MCM4: variants seen among roughly 807,000 people sequenced by gnomAD.
The protein encoded by MCM4 is minichromosome maintenance complex component 4.
MCM4 carries 60 observed loss-of-function variants against 88.7 expected under a neutral mutation model. The ratio of observed to expected loss-of-function variants is 0.68; its 90% CI spans 0.55 to 0.84. The LOEUF is 0.84. Among genes scored for constraint, MCM4 ranks in the 40% least tolerant of loss-of-function variants. The pLI is 0.00. For missense variants in MCM4, 1,149 were observed against 1,105.5 expected (o/e 1.04, Z -0.56); for synonymous variants, 465 against 410.5 (o/e 1.13, Z -1.61).
intron 13 of MCM4, among the ~76,000 whole-genome samples, chr8:47,972,108 T>G (rs2090958031): frequency 6.6e-6 from 1 of 151,916 alleles, no homozygotes; most frequent in Non-Finnish European, 1.5e-5. Flanking sequence ...GGCGCATGCC[T>G]GTAATCCCAG....
intron 2 of MCM4, 62 bp from the exon 3 acceptor site, chr8:47,961,454 C>G (rs2090832271): frequency 2.5e-6 from 4 of 1,611,604 alleles, no homozygotes; most frequent in Non-Finnish European, 2.5e-6. Context: ...AAGGAAAAGA[C>G]AAATCCAGGA....
Position 47,962,836 on chromosome 8 carries a change from C to G in MCM4, c.574C>G (p.Leu192Val). Residue 192 changes from leucine (L) to valine (V), a missense_variant, in exon 6 of 17, where the codon CTA (leucine) becomes GTA (valine). This residue lies in a region of MCM4 where 906 missense variants were observed against 843.0 expected (regional missense o/e 1.07). Coordinates refer to ENST00000649973, the MANE Select transcript of MCM4 (RefSeq NM_182746.3). Reference sequence around the variant, plus strand: ...TGTTGGCATAGATATTACTGAACCTCTATACATGCAACGACTTGGGGAGGT... The same window carrying G: ...TGTTGGCATAGATATTACTGAACCTGTATACATGCAACGACTTGGGGAGGT... ...ENVGIDITEP[L>V]YMQRLGEINV... is the part of the protein sequence containing the mutation. The G allele has an allele frequency of 1.9e-6, 3 of 1,607,862 alleles. 1 individual carries two copies. In the South Asian group the frequency reaches 3.4e-5, roughly 18 times the overall value.
chr8:47,963,421 C>T (rs942265793), intron 7 of MCM4, among the ~76,000 whole-genome samples: 1 of 152,104 alleles, frequency 6.6e-6, no homozygotes, highest in Non-Finnish European at 1.5e-5. Flanking sequence ...CCACTGCTCT[C>T]CAGCCTGGGC....
intron 12 of MCM4, 110 bp downstream of exon 12, chr8:47,970,986 T>C: frequency 1.5e-6 from 2 of 1,293,716 alleles, no homozygotes; most frequent in East Asian, 2.3e-5. Context: ...CTTGGGGAGA[T>C]TGATAAGTGC....
intron 14 of MCM4, 143 bp downstream of exon 14, chr8:47,973,207 C>A: frequency 1.2e-6 from 1 of 806,508 alleles, no homozygotes; most frequent in Non-Finnish European, 1.9e-6. Flanking sequence ...GCCTGGCTCT[C>A]TTGCCCAGGC....
intron 14 of MCM4, chr8:47,973,683 G>A (rs17287718): frequency 1.4e-4 from 22 of 152,630 alleles, no homozygotes; most frequent in African/African-American, 2.4e-4. Flanking sequence ...TAGTAGAGAC[G>A]GGGTTTCACT....
Position 47,962,487 on chromosome 8 carries a change from C to T in MCM4, c.501+81C>T, listed in dbSNP as rs578032874. 4.9e-6 allele frequency: 7 copies of T among 1,424,382 alleles called. No individual in the cohort carries two copies. In the East Asian group the frequency reaches 1.1e-4, roughly 23 times the overall value. 88.2% of individuals were successfully genotyped at this position (1,424,382 alleles called of 1,614,324 possible). ...TGTTTATAATCTATATCTAAGTAGC[C>T]ATAATGACTAGAAGGGCCACCTGTG... On this transcript the variant is annotated intron_variant, in intron 5 of 16. Transcript: ENST00000649973.
At chr8:47,976,166 A>G (rs1464740748) in intron 16 of MCM4, among the ~76,000 whole-genome samples, 1 of 151,850 alleles carries the variant, frequency 6.6e-6, no homozygotes, top group East Asian at 1.9e-4. Flanking sequence ...GGTGATAAGC[A>G]CCTGAAATCC....
chr8:47,962,550 A>C (rs1206104446), intron 5 of MCM4, 144 bp downstream of exon 5: 5 of 853,138 alleles, frequency 5.9e-6, no homozygotes, highest in Non-Finnish European at 9.1e-6. Context: ...TTGGGAGGCC[A>C]AGGTGGGAGG....
At chr8:47,973,194 A>G (rs1589833777) in intron 14 of MCM4, 130 bp downstream of exon 14, 1 of 898,212 alleles carries the variant, frequency 1.1e-6, no homozygotes, top group Non-Finnish European at 1.7e-6. Flanking sequence ...GTTTTGAGAC[A>G]GAGCCTGGCT....
In MCM4 at chr8:47,967,475, G is replaced by C; in HGVS notation, c.1164G>C (p.Val388=). 6.2e-7 allele frequency: 1 copy of C among 1,614,182 alleles called. No individual in the cohort carries two copies. Among genetic ancestry groups the C allele is most frequent in the Non-Finnish European group, 8.5e-7 (1 of 1,180,006 alleles). The part of the protein sequence containing the change: ...LVDKVQPGDR[V]NVTGIYRAVP... Reference sequence around the variant, plus strand: ...ACAAGGTCCAGCCTGGGGACAGAGTGAATGTTACAGGTAAGAGTGTAGGTT... The same window carrying C: ...ACAAGGTCCAGCCTGGGGACAGAGTCAATGTTACAGGTAAGAGTGTAGGTT... The change falls in exon 10 of 17, where the codon GTG becomes GTC. Residue 388 remains valine, a synonymous_variant. Transcript: ENST00000649973.
In MCM4 at chr8:47,976,993, C is replaced by T. The variant is rs376086042; in HGVS notation, c.*215C>T. On this transcript the variant is annotated 3_prime_UTR_variant, in exon 17 of 17. Transcript: ENST00000649973. ...ATAAAAATACTATGCTGGCCGGGCG[C>T]GGTGGCTCACACCTGTAATCCCAGC... The T allele has an allele frequency of 2.5e-5, 9 of 364,308 alleles. No individual in the cohort carries two copies. The highest frequency in any genetic ancestry group is 8.4e-5 in the African/African-American group (4 of 47,538). 22.6% of individuals were successfully genotyped at this position (364,308 alleles called of 1,614,324 possible).
intron 9 of MCM4, 45 bp downstream of exon 9, chr8:47,966,452 T>C (rs1445281978): frequency 3.3e-6 from 5 of 1,535,088 alleles, no homozygotes; most frequent in Non-Finnish European, 3.5e-6. Flanking sequence ...TGCCTGTCTG[T>C]ATCCTCAAAA....
Position 47,974,882 on chromosome 8 carries a change from A to G in MCM4, c.2285A>G (p.Lys762Arg), listed in dbSNP as rs1293608421. 2.5e-6 allele frequency: 4 copies of G among 1,614,020 alleles called. No homozygotes were observed. Among genetic ancestry groups the G allele is most frequent in the East Asian group, 2.2e-5 (1 of 44,900 alleles). Residue 762 changes from lysine (K) to arginine (R), a missense_variant, in exon 15 of 17, where the codon AAA becomes AGA. Around this residue, in one of 3 missense-constraint regions of MCM4, gnomAD observed 238 missense variants for 241.6 expected, o/e 0.99. Transcript: ENST00000649973. The part of the protein sequence containing the change: ...KVEAIDVEEA[K>R]RLHREALKQS... ...GAAGCCATTGATGTGGAAGAGGCCA[A>G]ACGCCTCCATCGGGAAGCTCTGAAG... is the stretch of plus-strand genomic sequence containing the variant.
Position 47,963,045 on chromosome 8 carries a change from G to GA in MCM4, c.693+7dup. 1 of 1,530,928 alleles carries GA rather than the reference G, an allele frequency of 6.5e-7. No homozygotes were observed. The highest frequency in any genetic ancestry group is 8.9e-7 in the Non-Finnish European group (1 of 1,123,136). 94.8% of individuals were successfully genotyped at this position (1,530,928 alleles called of 1,614,324 possible). Reference sequence around the variant, plus strand: ...CAACTCATCTCTTACCCACAGGTAAGAATTTAGCTTTGACCTTGATGAATT... The same window carrying GA: ...CAACTCATCTCTTACCCACAGGTAAGAAATTTAGCTTTGACCTTGATGAATT... On this transcript the variant is annotated splice_donor_region_variant and intron_variant, in intron 7 of 16. Transcript: ENST00000649973.
chr8:47,968,546 T>C (rs570546619), intron 10 of MCM4, among the ~76,000 whole-genome samples: 4 of 152,220 alleles, frequency 2.6e-5, no homozygotes, highest in Non-Finnish European at 5.9e-5. Flanking sequence ...TGGAAAGTGC[T>C]GTGTAGATGT....
At position 47,962,789 on chromosome 8, in the gene MCM4, C is replaced by A. The variant is rs761162193; in HGVS notation, c.527C>A (p.Pro176His). The change falls in exon 6 of 17, where the codon CCT becomes CAT. Residue 176 changes from proline (P) to histidine (H), a missense_variant. Around this residue, in one of 3 missense-constraint regions of MCM4, gnomAD observed 906 missense variants for 843.0 expected, o/e 1.07. Transcript: ENST00000649973. ...AGATTTCTTCAGCGTTTTATTGACC[C>A]TCTGGCTAAAGAAGAAGAAAATGTT... ...FQRFLQRFID[P>H]LAKEEENVGI... The A allele has an allele frequency of 5.6e-6, 9 of 1,608,732 alleles. No homozygotes were observed. The African/African-American group carries it at 1.1e-4, about 19-fold the overall frequency.
At chr8:47,961,439 G>T (rs1645521761) in intron 2 of MCM4, 77 bp from the exon 3 acceptor site, 2 of 1,609,484 alleles carry the variant, frequency 1.2e-6, no homozygotes, top group African/African-American at 1.3e-5. Context: ...GAGTCATAAT[G>T]CCCCAAGGAA....
At chr8:47,970,430 GAAAAGTACCTCTAAAGTTTA>G in intron 11 of MCM4, 61 bp from the exon 12 acceptor site, 1 of 1,487,872 alleles carries the variant, frequency 6.7e-7, no homozygotes, top group Non-Finnish European at 9.0e-7. Context: ...TTATAAGAGA[GAAAAGTACCTCTAAAGTTTA>G]AACTACATCT....
Sources: allele counts gnomAD v4.1 joint callset (sites outside exome capture counted in the v4.1 genomes callset), GRCh38; gene constraint gnomAD v4.1.1; regional missense constraint gnomAD v4.1.1; transcripts MANE v1.5; gene names NCBI Gene and HGNC (gene_info 2026-07-23, HGNC 2026-07-21).